SDK1: variants seen among roughly 807,000 people sequenced by gnomAD.
SDK1 encodes sidekick cell adhesion molecule 1, also known as protein sidekick-1.
Under a neutral mutation model 245.5 loss-of-function variants are expected in SDK1, and 157 were observed. The observed-to-expected ratio is 0.64, with a 90% CI of 0.56 to 0.73. The LOEUF (loss-of-function observed/expected upper bound fraction) is 0.73, where lower values mean the gene tolerates loss of function less well. SDK1 is among the 30% of genes least tolerant of loss of function. SDK1 has a pLI of 0.00. For missense variants in SDK1, 3,583 were observed against 3,002.3 expected, an observed-to-expected ratio of 1.19 and a Z score of -4.52; for synonymous variants, 1,647 against 1,278.5, an observed-to-expected ratio of 1.29 and a Z score of -6.15.
intron 1 of SDK1, among the ~76,000 whole-genome samples, chr7:3,387,962 C>T (rs764108587): frequency 2.0e-5 from 3 of 152,132 alleles, no homozygotes; most frequent in East Asian, 1.9e-4. Flanking sequence ...AGTGAGAGAA[C>T]GAGATTCAAA....
intron 5 of SDK1, among the ~76,000 whole-genome samples, chr7:3,907,229 C>G (rs1778982438): frequency 1.3e-5 from 2 of 152,148 alleles, no homozygotes; most frequent in Non-Finnish European, 2.9e-5. Context: ...TCCTGCATAT[C>G]TATTTCAAAA....
At chr7:4,261,510 A>T (rs889347512) in intron 44 of SDK1, among the ~76,000 whole-genome samples, 7 of 151,890 alleles carry the variant, frequency 4.6e-5, no homozygotes, top group Non-Finnish European at 8.8e-5. Context: ...AATGGGGCCC[A>T]CATCTGGGGC....
intron 1 of SDK1, among the ~76,000 whole-genome samples, chr7:3,531,564 G>A (rs932935326): frequency 9.2e-5 from 14 of 152,120 alleles, no homozygotes; most frequent in African/African-American, 2.9e-4. Context: ...AATTAAATTT[G>A]TGCCACTACC....
chr7:3,660,833 G>A (rs1267513222), intron 4 of SDK1, among the ~76,000 whole-genome samples: 1 of 152,180 alleles, frequency 6.6e-6, no homozygotes, highest in East Asian at 1.9e-4. Context: ...TTGAGAGCAT[G>A]AATCTTTTCT....
chr7:3,858,492 A>G (rs1027502037), intron 5 of SDK1, among the ~76,000 whole-genome samples: 2 of 152,168 alleles, frequency 1.3e-5, no homozygotes, highest in African/African-American at 4.8e-5. Flanking sequence ...CAAGAAGCTT[A>G]ACTTCCTTTC....
At chr7:3,598,671 T>G (rs1368249456) in intron 1 of SDK1, among the ~76,000 whole-genome samples, 1 of 152,168 alleles carries the variant, frequency 6.6e-6, no homozygotes, top group Non-Finnish European at 1.5e-5. Flanking sequence ...ATTTCTATAC[T>G]TTTGTCATTT....
In SDK1 at chr7:3,301,267, C is replaced by A. The variant is rs1279541632; in HGVS notation, c.-320C>A. ...GCGGGCGGGCGCACTTTCTTCTCAGCGCCGGGCGGGGGCGGCGGCGGCGGC... is the reference window on the plus strand; with the variant it reads ...GCGGGCGGGCGCACTTTCTTCTCAGAGCCGGGCGGGGGCGGCGGCGGCGGC... On this transcript the variant is annotated 5_prime_UTR_variant, in exon 1 of 45. Coordinates refer to ENST00000404826, the MANE Select transcript of SDK1 (RefSeq NM_152744.4). 1.4e-5 allele frequency among the ~76,000 whole-genome samples: 2 copies of A among 141,532 alleles called. No individual in the cohort carries two copies. Among genetic ancestry groups the A allele is most frequent in the South Asian group, 4.3e-4 (2 of 4,640 alleles). The allele number at this position is 141,532 out of a possible 152,430, so 92.9% of individuals were successfully genotyped here. A position where few individuals can be genotyped will look rare whatever the true frequency, so the allele number is the denominator to read the frequency against.
At position 3,795,993 on chromosome 7, in the gene SDK1, T is replaced by C. The variant is rs149430671; in HGVS notation, c.714-25457T>C. On this transcript the variant is annotated intron_variant, in intron 4 of 44. Coordinates refer to ENST00000404826, the MANE Select transcript of SDK1 (RefSeq NM_152744.4). ...TGCTAAGAAATAGATTCATAATCTT[T>C]GGCTTTAAAAATCGTAGACTGTTTT... is the stretch of plus-strand genomic sequence containing the variant. Among the ~76,000 whole-genome samples the C allele has an allele frequency of 1.3e-3, 200 of 152,326 alleles. 1 individual carries two copies. The highest frequency in any genetic ancestry group is 3.9e-3 in the African/African-American group (161 of 41,568).
In SDK1 at chr7:4,267,022, C is replaced by T; in HGVS notation, c.*1638C>T. On this transcript the variant is annotated 3_prime_UTR_variant, in exon 45 of 45. Transcript: ENST00000404826. ...GCTTACCTAGATGTTTTGTGCACCT[C>T]CATGGGCAGAGGGTGTGGATATTGC... The T allele has an allele frequency of 1.0e-6, 1 of 985,596 alleles. No individual in the cohort carries two copies. The highest frequency in any genetic ancestry group is 4.7e-5 in the South Asian group (1 of 21,274). 61.1% of individuals were successfully genotyped at this position (985,596 alleles called of 1,614,324 possible). A position where few individuals can be genotyped will look rare whatever the true frequency, so the allele number is the denominator to read the frequency against.
At position 4,126,451 on chromosome 7, in the gene SDK1, G is replaced by T. The variant is rs141528792; in HGVS notation, c.3824-930G>T. On this transcript the variant is annotated intron_variant, in intron 25 of 44. Coordinates refer to ENST00000404826, the MANE Select transcript of SDK1 (RefSeq NM_152744.4). ...TGATCTTACATGTGGGCCGGGAGTG[G>T]TGGCTCACGCCTGTAATCCCAGCAC... 3.7e-3 allele frequency among the ~76,000 whole-genome samples: 561 copies of T among 152,362 alleles called. 7 individuals are homozygous for T. The highest frequency in any genetic ancestry group is 0.013 in the African/African-American group (529 of 41,590).
intron 1 of SDK1, among the ~76,000 whole-genome samples, chr7:3,552,231 G>A (rs1037238739): frequency 2.6e-5 from 4 of 152,034 alleles, no homozygotes; most frequent in South Asian, 2.1e-4. Context: ...TAGAGACGGG[G>A]TTTCACTGTA....
rs529711613 is a variant in SDK1, at chr7:3,584,642, G to A, written c.299-34438G>A. Reference sequence around the variant, plus strand: ...TCTGAGAGAACTTTCCAGAGAAGTCGCACGTGCTTGGGCGTGTCCGCTGAG... The same window carrying A: ...TCTGAGAGAACTTTCCAGAGAAGTCACACGTGCTTGGGCGTGTCCGCTGAG... On this transcript the variant is annotated intron_variant, in intron 1 of 44. Coordinates refer to ENST00000404826, the MANE Select transcript of SDK1 (RefSeq NM_152744.4). Among the ~76,000 whole-genome samples the A allele has an allele frequency of 7.2e-5, 11 of 152,228 alleles. No homozygotes were observed. The South Asian group carries it at 1.7e-3, about 23-fold the overall frequency.
rs1788458082 is a variant in SDK1, at chr7:4,266,172, A to G, written c.*788A>G. The stretch of plus-strand genomic sequence containing the variant: ...CTTCCCCGAACACAGCACACGGTCA[A>G]CTCCGCGGGACACGAGGACACGGGA... On this transcript the variant is annotated 3_prime_UTR_variant, in exon 45 of 45. Coordinates refer to ENST00000404826, the MANE Select transcript of SDK1 (RefSeq NM_152744.4). The G allele has an allele frequency of 1.0e-6, 1 of 985,248 alleles. No homozygotes were observed. The highest frequency in any genetic ancestry group is 1.2e-6 in the Non-Finnish European group (1 of 829,902). The allele number at this position is 985,248 out of a possible 1,614,324, so 61.0% of individuals were successfully genotyped here.
At chr7:3,366,105 A>C (rs984428480) in intron 1 of SDK1, among the ~76,000 whole-genome samples, 2 of 151,636 alleles carry the variant, frequency 1.3e-5, no homozygotes, top group African/African-American at 4.8e-5. Flanking sequence ...CGATGTTAAT[A>C]GTGGTTTATT....
At chr7:4,131,725 A>C (rs1219898235) in intron 27 of SDK1, among the ~76,000 whole-genome samples, 1 of 151,962 alleles carries the variant, frequency 6.6e-6, no homozygotes, top group African/African-American at 2.4e-5. Context: ...TTTTTCAGTT[A>C]TTGGTGCCCC....
At chr7:3,502,268 G>T (rs1782241093) in intron 1 of SDK1, among the ~76,000 whole-genome samples, 1 of 151,364 alleles carries the variant, frequency 6.6e-6, no homozygotes, top group Non-Finnish European at 1.5e-5. Context: ...ACAAAGTCTT[G>T]CTTAAAGTCT....
intron 31 of SDK1, among the ~76,000 whole-genome samples, chr7:4,160,573 T>G (rs1375122792): frequency 6.6e-6 from 1 of 152,226 alleles, no homozygotes; most frequent in African/African-American, 2.4e-5. Context: ...CTCCAGGGGT[T>G]GGGGAACCCT....
intron 5 of SDK1, among the ~76,000 whole-genome samples, chr7:3,943,624 C>A (rs1292703691): frequency 6.6e-6 from 1 of 151,486 alleles, no homozygotes; most frequent in Non-Finnish European, 1.5e-5. Flanking sequence ...GCGCACGGTG[C>A]GGGGCTGCCG....
chr7:4,217,589 G>A (rs536712289), intron 38 of SDK1, among the ~76,000 whole-genome samples: 15 of 150,556 alleles, frequency 1.0e-4, no homozygotes, highest in South Asian at 2.1e-4. Context: ...CACGCCACCC[G>A]GAGCACCAGG....
Sources: gnomAD v4.1 joint callset for allele counts (sites outside exome capture counted in the v4.1 genomes callset) on GRCh38, gnomAD v4.1.1 for gene constraint, MANE v1.5 for transcripts, NCBI Gene and HGNC (gene_info 2026-07-23, HGNC 2026-07-21) for gene names.